SLC38A6: variants seen among roughly 807,000 people sequenced by gnomAD.
SLC38A6 encodes solute carrier family 38 member 6.
In SLC38A6, 73 loss-of-function variants were observed where a neutral mutation model predicts 65.0. The ratio of observed to expected loss-of-function variants is 1.12; its 90% CI spans 0.93 to 1.37. The LOEUF (loss-of-function observed/expected upper bound fraction) is 1.37. Ranked by LOEUF, SLC38A6 falls within the 40% of genes most tolerant of loss-of-function variation. SLC38A6 has a pLI of 0.00. For missense variants in SLC38A6, 561 were observed against 531.1 expected (o/e 1.06, Z -0.55); for synonymous variants, 183 against 178.8 (o/e 1.02, Z -0.19).
chr14:61,005,967 T>A (rs948991948), intron 3 of SLC38A6, among the ~76,000 whole-genome samples: 15 of 152,250 alleles, frequency 9.9e-5, no homozygotes, highest in Admixed American at 2.6e-4. Flanking sequence ...ATGGTACTGG[T>A]ACCAAAACAG....
chr14:61,082,514 C>G (rs1325611954), intron 16 of SLC38A6, among the ~76,000 whole-genome samples: 1 of 152,188 alleles, frequency 6.6e-6, no homozygotes, highest in Non-Finnish European at 1.5e-5. Flanking sequence ...CTTTGCTGGG[C>G]TCTCATGCCG....
At chr14:60,983,097 GAC>G (rs2037183380) in intron 2 of SLC38A6, among the ~76,000 whole-genome samples, 1 of 152,068 alleles carries the variant, frequency 6.6e-6, no homozygotes. Context: ...TATGTTTCAG[GAC>G]TTAGCTTGTA....
intron 3 of SLC38A6, among the ~76,000 whole-genome samples, chr14:60,991,998 G>A (rs1466829413): frequency 6.6e-6 from 1 of 152,146 alleles, no homozygotes; most frequent in Non-Finnish European, 1.5e-5. Flanking sequence ...AGAAAATGTA[G>A]CGTTTATTAA....
At chr14:61,044,149 G>A (rs2041988533) in intron 10 of SLC38A6, among the ~76,000 whole-genome samples, 1 of 152,118 alleles carries the variant, frequency 6.6e-6, no homozygotes, top group African/African-American at 2.4e-5. Context: ...AGTCTTCCCT[G>A]TTGCTGCAGG....
Position 61,010,508 on chromosome 14 carries a change from G to A in SLC38A6, c.311-5396G>A, listed in dbSNP as rs187117534. 5.7e-3 allele frequency among the ~76,000 whole-genome samples: 861 copies of A among 152,212 alleles called. 8 individuals are homozygous for A. Among genetic ancestry groups the A allele is most frequent in the Non-Finnish European group, 9.7e-3 (661 of 68,022 alleles). Reference sequence around the variant, plus strand: ...CTAGGTTTTCTTCTATGGTTTTTATGGTTTTAGGTCTAACATTTAAGTCTT... The same window carrying A: ...CTAGGTTTTCTTCTATGGTTTTTATAGTTTTAGGTCTAACATTTAAGTCTT... On this transcript the variant is annotated intron_variant, in intron 3 of 15. Coordinates refer to ENST00000267488, the MANE Select transcript of SLC38A6 (RefSeq NM_153811.3).
At chr14:61,015,224 A>G (rs969096410) in intron 3 of SLC38A6, among the ~76,000 whole-genome samples, 6 of 152,144 alleles carry the variant, frequency 3.9e-5, no homozygotes, top group Admixed American at 3.9e-4. Flanking sequence ...TGCTAAGACC[A>G]TTGGAAAAGC....
At chr14:60,990,827 A>G (rs2037822586) in intron 3 of SLC38A6, among the ~76,000 whole-genome samples, 1 of 152,032 alleles carries the variant, frequency 6.6e-6, no homozygotes, top group Non-Finnish European at 1.5e-5. Context: ...ACTACAGGCT[A>G]TGTGCGTCAC....
At chr14:60,994,978 T>G (rs1594985522) in intron 3 of SLC38A6, among the ~76,000 whole-genome samples, 1 of 119,722 alleles carries the variant, frequency 8.4e-6, no homozygotes, top group Admixed American at 1.2e-4. Context: ...CACTCCAGCC[T>G]GGGCGACAGA....
chr14:60,995,787 C>T (rs1455814630), intron 3 of SLC38A6, among the ~76,000 whole-genome samples: 1 of 152,140 alleles, frequency 6.6e-6, no homozygotes, highest in African/African-American at 2.4e-5. Flanking sequence ...GAAAAGGCTA[C>T]ATACTGTATG....
intron 9 of SLC38A6, 96 bp from the exon 10 acceptor site, chr14:61,043,354 G>C: frequency 8.8e-7 from 1 of 1,130,438 alleles, no homozygotes; most frequent in Admixed American, 2.5e-5. Context: ...ACTTTCATTT[G>C]AAAGCCTAGT....
intron 4 of SLC38A6, 124 bp downstream of exon 4, chr14:61,016,080 A>C (rs535685178): frequency 1.7e-6 from 1 of 585,734 alleles, no homozygotes; most frequent in Non-Finnish European, 2.8e-6. Context: ...AACTAAAGTG[A>C]GAAAAGAGAG....
chr14:60,998,715 T>C (rs1205572563), intron 3 of SLC38A6, among the ~76,000 whole-genome samples: 1 of 152,302 alleles, frequency 6.6e-6, no homozygotes, highest in East Asian at 1.9e-4. Context: ...GTTGCAGGCA[T>C]GTATTCCTAG....
intron 3 of SLC38A6, among the ~76,000 whole-genome samples, chr14:60,992,670 T>C (rs2037986571): frequency 6.6e-6 from 1 of 152,092 alleles, no homozygotes; most frequent in Admixed American, 6.5e-5. Flanking sequence ...CCCTCTGTTA[T>C]ATTTTTTTTC....
intron 6 of SLC38A6, among the ~76,000 whole-genome samples, chr14:61,035,245 A>G (rs756482457): frequency 6.6e-6 from 1 of 152,200 alleles, no homozygotes; most frequent in Non-Finnish European, 1.5e-5. Context: ...ATTGAGAAAA[A>G]AAAGCAAAGA....
At chr14:61,027,454 A>C (rs2040670667) in intron 5 of SLC38A6, among the ~76,000 whole-genome samples, 1 of 152,140 alleles carries the variant, frequency 6.6e-6, no homozygotes, top group South Asian at 2.1e-4. Context: ...ATTTTTGCTT[A>C]TGATTGGTCT....
intron 3 of SLC38A6, among the ~76,000 whole-genome samples, chr14:61,007,519 G>A (rs2039231404): frequency 6.6e-6 from 1 of 152,100 alleles, no homozygotes. Flanking sequence ...GCATGTGCCT[G>A]TGGTCCCAGC....
At chr14:61,037,543 C>T in intron 7 of SLC38A6, 82 bp from the exon 8 acceptor site, 1 of 943,426 alleles carries the variant, frequency 1.1e-6, no homozygotes, top group Middle Eastern at 2.2e-4. Flanking sequence ...TAATAGAAAA[C>T]ATGCCTAAGA....
In SLC38A6 at chr14:60,981,264, A is replaced by G; in HGVS notation, c.-14A>G. 1.9e-6 allele frequency: 3 copies of G among 1,589,640 alleles called. No individual in the cohort carries two copies. The highest frequency in any genetic ancestry group is 1.1e-5 in the South Asian group (1 of 87,524). On this transcript the variant is annotated 5_prime_UTR_variant, in exon 1 of 16. Transcript: ENST00000267488. ...AGGCTCGTAGATGGAACTGGTAGTC[A>G]GCTGGAGAGCAGCATGGAGGCGTCC...
intron 3 of SLC38A6, among the ~76,000 whole-genome samples, chr14:60,998,871 C>T (rs959497215): frequency 1.3e-5 from 2 of 152,164 alleles, no homozygotes; most frequent in Admixed American, 1.3e-4. Context: ...CCCTGCCCTT[C>T]GTGGGGGATC....
Sources: allele counts gnomAD v4.1 joint callset (sites outside exome capture counted in the v4.1 genomes callset), GRCh38; gene constraint gnomAD v4.1.1; transcripts MANE v1.5; gene names NCBI Gene and HGNC (gene_info 2026-07-23, HGNC 2026-07-21).